Variants in CHSY3 observed in about 807,000 individuals in gnomAD.
The protein encoded by CHSY3 is chondroitin sulfate synthase 3.
In CHSY3, 35 loss-of-function variants were observed where a neutral mutation model predicts 67.2. That is an observed-to-expected ratio of 0.52 (90% confidence interval 0.40 to 0.69). The LOEUF (loss-of-function observed/expected upper bound fraction) is 0.69. Ranked by LOEUF, CHSY3 falls within the 30% of genes least tolerant of loss-of-function variation. The pLI is 0.00. For synonymous variants in CHSY3, 474 were observed against 434.7 expected (o/e 1.09, Z -1.12); for missense variants, 1,069 against 1,138.5 (o/e 0.94, Z 0.88).
At chr5:130,178,227 T>TTTTATATATA (rs1229158340) in intron 2 of CHSY3, among the ~76,000 whole-genome samples, 1 of 65,838 alleles carries the variant, frequency 1.5e-5, no homozygotes, top group African/African-American at 6.6e-5. Flanking sequence ...ATATTTATAT[T>TTTTATATATA]TATATATATA....
intron 2 of CHSY3, among the ~76,000 whole-genome samples, chr5:130,087,918 T>C: frequency 6.6e-6 from 1 of 152,022 alleles, no homozygotes; most frequent in East Asian, 1.9e-4. Flanking sequence ...AAGTCAATCC[T>C]AAGCCAAAAG....
chr5:129,936,145 A>G (rs1761480588), intron 2 of CHSY3, among the ~76,000 whole-genome samples: 3 of 152,234 alleles, frequency 2.0e-5, no homozygotes, highest in South Asian at 4.1e-4. Flanking sequence ...GAGGATAAAA[A>G]GAAATAACAC....
chr5:130,146,086 A>G (rs1014681630), intron 2 of CHSY3, among the ~76,000 whole-genome samples: 3 of 152,212 alleles, frequency 2.0e-5, no homozygotes, highest in Admixed American at 6.5e-5. Flanking sequence ...TGACCCAGCA[A>G]TCCTACTACT....
intron 2 of CHSY3, among the ~76,000 whole-genome samples, chr5:130,145,301 T>C (rs1163201688): frequency 6.6e-6 from 1 of 152,150 alleles, no homozygotes; most frequent in Non-Finnish European, 1.5e-5. Flanking sequence ...CACACAGCTA[T>C]GTCTAACTGA....
intron 2 of CHSY3, among the ~76,000 whole-genome samples, chr5:130,019,650 T>C (rs1415566755): frequency 6.6e-6 from 1 of 152,214 alleles, no homozygotes; most frequent in Admixed American, 6.5e-5. Context: ...CGTTTATCTT[T>C]CCCTGGTAGA....
intron 2 of CHSY3, among the ~76,000 whole-genome samples, chr5:129,981,735 A>G (rs185746942): frequency 6.6e-6 from 1 of 152,214 alleles, no homozygotes; most frequent in Admixed American, 6.5e-5. Context: ...GAGTCCCAGC[A>G]TGCTACTGAA....
intron 2 of CHSY3, among the ~76,000 whole-genome samples, chr5:130,066,854 A>C (rs1027702411): frequency 1.3e-5 from 2 of 152,118 alleles, no homozygotes; most frequent in African/African-American, 4.8e-5. Context: ...GGGGTCTGTC[A>C]TAGGCTTATG....
intron 2 of CHSY3, among the ~76,000 whole-genome samples, chr5:130,151,561 T>TTA (rs1023952941): frequency 6.6e-6 from 1 of 152,124 alleles, no homozygotes; most frequent in African/African-American, 2.4e-5. Flanking sequence ...ACTGAGTAAT[T>TTA]TATAAAGAAA....
In CHSY3 at chr5:130,129,873, G is replaced by A. The variant is rs77377383; in HGVS notation, c.1087-54356G>A. On this transcript the variant is annotated intron_variant, in intron 2 of 2. Coordinates refer to ENST00000305031, the MANE Select transcript of CHSY3 (RefSeq NM_175856.5). The stretch of plus-strand genomic sequence containing the variant: ...AGCACATGAAAGTTCTCTAAAAGCC[G>A]TCAAGCACTGTATACATATAAACTA... 5.9e-3 allele frequency among the ~76,000 whole-genome samples: 903 copies of A among 152,192 alleles called. 5 individuals carry two copies. Among genetic ancestry groups the A allele is most frequent in the East Asian group, 0.037 (193 of 5,170 alleles).
intron 2 of CHSY3, among the ~76,000 whole-genome samples, chr5:130,113,856 T>A (rs578108682): frequency 1.5e-4 from 23 of 152,300 alleles, no homozygotes; most frequent in African/African-American, 4.8e-4. Flanking sequence ...ACCAGGCGAC[T>A]GCTAAAACTT....
chr5:129,993,675 C>G (rs1427969035), intron 2 of CHSY3, among the ~76,000 whole-genome samples: 5 of 152,104 alleles, frequency 3.3e-5, no homozygotes. Context: ...ATTTGCCAGT[C>G]TGTGTCTTTT....
At chr5:130,111,263 G>A (rs941232806) in intron 2 of CHSY3, among the ~76,000 whole-genome samples, 2 of 150,348 alleles carry the variant, frequency 1.3e-5, no homozygotes, top group African/African-American at 5.0e-5. Context: ...CTGCTATACT[G>A]TGTTTTTAAC....
At chr5:129,911,330 A>G (rs562451124) in intron 2 of CHSY3, among the ~76,000 whole-genome samples, 1 of 152,182 alleles carries the variant, frequency 6.6e-6, no homozygotes, top group Non-Finnish European at 1.5e-5. Flanking sequence ...GAGAAAGGTA[A>G]TAGCGGGATA....
At chr5:130,080,949 G>T (rs1406259519) in intron 2 of CHSY3, among the ~76,000 whole-genome samples, 1 of 152,040 alleles carries the variant, frequency 6.6e-6, no homozygotes, top group Non-Finnish European at 1.5e-5. Context: ...ACACAATGGG[G>T]TACAGTTTTT....
At chr5:130,129,831 A>C (rs1768422524) in intron 2 of CHSY3, among the ~76,000 whole-genome samples, 1 of 152,102 alleles carries the variant, frequency 6.6e-6, no homozygotes, top group Non-Finnish European at 1.5e-5. Context: ...AGTGACCATA[A>C]GGACCCAACG....
chr5:130,146,755 TA>T lies in CHSY3; in HGVS notation c.1087-37465del, dbSNP rs888749186. On this transcript the variant is annotated intron_variant, in intron 2 of 2. Coordinates refer to ENST00000305031, the MANE Select transcript of CHSY3 (RefSeq NM_175856.5). ...ATATCTACAATTATAGTGTGCTAAT[TA>T]AAAAAAAAGCATTTTCATTTGTTTT... Among the ~76,000 whole-genome samples, 31 of 150,672 alleles carry T rather than the reference TA, an allele frequency of 2.1e-4. 1 individual carries two copies. Among genetic ancestry groups the T allele is most frequent in the Admixed American group, 7.3e-4 (11 of 15,100 alleles).
At chr5:130,087,398 A>G (rs1766684434) in intron 2 of CHSY3, among the ~76,000 whole-genome samples, 1 of 152,150 alleles carries the variant, frequency 6.6e-6, no homozygotes, top group African/African-American at 2.4e-5. Flanking sequence ...AAATAAAGGT[A>G]TTCAATTAGG....
intron 2 of CHSY3, among the ~76,000 whole-genome samples, chr5:129,989,925 A>G (rs1431809846): frequency 6.6e-6 from 1 of 152,202 alleles, no homozygotes; most frequent in Non-Finnish European, 1.5e-5. Context: ...TACAAGCAAT[A>G]TAGGTAATCC....
rs190814390 is a variant in CHSY3 at position 129,952,079 on chromosome 5, G to C, written c.1086+43719G>C. ...GCGATAAGAACCCATAAATATTCAAGGCAGGAGGTAAAGGAAAAAGAGCTG... is the reference window on the plus strand; with the variant it reads ...GCGATAAGAACCCATAAATATTCAACGCAGGAGGTAAAGGAAAAAGAGCTG... On this transcript the variant is annotated intron_variant, in intron 2 of 2. Transcript: ENST00000305031. Among the ~76,000 whole-genome samples, 142 of 152,254 alleles carry C rather than the reference G, an allele frequency of 9.3e-4. 1 individual carries two copies. The highest frequency in any genetic ancestry group is 1.3e-4 in the Non-Finnish European group (9 of 68,020).
Sources: gnomAD v4.1 joint callset for allele counts (sites outside exome capture counted in the v4.1 genomes callset) on GRCh38, gnomAD v4.1.1 for gene constraint, MANE v1.5 for transcripts, NCBI Gene and HGNC (gene_info 2026-07-23, HGNC 2026-07-21) for gene names.